TRPM8: variants seen among roughly 807,000 people sequenced by gnomAD.
TRPM8 encodes TRPM8 cationic channel.
A neutral mutation model predicts 133.7 loss-of-function variants in TRPM8; 110 were observed. The observed-to-expected ratio is 0.82, with a 90% CI of 0.70 to 0.96. TRPM8 has a LOEUF of 0.96. TRPM8 is among the 40% of genes least tolerant of loss of function. The pLI, the probability that TRPM8 is intolerant of heterozygous loss-of-function variation, is 0.00. For missense variants in TRPM8, 1,291 were observed against 1,379.5 expected (o/e 0.94, Z 1.02); for synonymous variants, 535 against 532.3 (o/e 1.01, Z -0.07).
Position 233,927,767 on chromosome 2 carries a change from T to TTCC in TRPM8, c.117+1114_117+1115insCCT, listed in dbSNP as rs1491553147. ...CTTTCTTTCTTTCTTTCTTTCTTTC[T>TTCC]TTCTTTCTTTCTTTCTTTCTTTCTT... On this transcript the variant is annotated intron_variant, in intron 2 of 25. Transcript: ENST00000324695. Among the ~76,000 whole-genome samples the TTCC allele has an allele frequency of 4.7e-4, 32 of 67,436 alleles. 3 individuals are homozygous for TTCC. The highest frequency in any genetic ancestry group is 5.3e-3 in the Middle Eastern group (1 of 188). 44.2% of individuals were successfully genotyped at this position (67,436 alleles called of 152,430 possible).
intron 22 of TRPM8, among the ~76,000 whole-genome samples, chr2:233,997,465 G>A (rs1692438782): frequency 6.6e-6 from 1 of 152,160 alleles, no homozygotes; most frequent in African/African-American, 2.4e-5. Flanking sequence ...CTCCACAGCT[G>A]GAGCACAGAG....
At position 233,950,013 on chromosome 2, in the gene TRPM8, CTGA is replaced by C; in HGVS notation, c.1010_1012del (p.Asp337del). 6.2e-7 allele frequency: 1 copy of C among 1,614,190 alleles called. No homozygotes were observed. The highest frequency in any genetic ancestry group is 1.1e-5 in the South Asian group (1 of 91,078). On this transcript the variant is annotated inframe_deletion, in exon 9 of 26. Coordinates refer to ENST00000324695, the MANE Select transcript of TRPM8 (RefSeq NM_024080.5). ...GTGGTGGAAGGCTCGGGCCAGATCG[CTGA>C]TGTGATCGCTAGCCTGGTGGAGGTG...
intron 16 of TRPM8, 23 bp downstream of exon 16, chr2:233,969,830 G>A (rs200060794): frequency 2.6e-4 from 348 of 1,353,928 alleles, no homozygotes; most frequent in Admixed American, 3.7e-4. Context: ...GCACATAATC[G>A]TGTGTGAGTG....
intron 6 of TRPM8, among the ~76,000 whole-genome samples, chr2:233,944,508 T>C (rs567630198): frequency 1.3e-5 from 2 of 152,234 alleles, no homozygotes; most frequent in African/African-American, 4.8e-5. Flanking sequence ...TGGCAACAAG[T>C]AAAACTTGAA....
intron 22 of TRPM8, among the ~76,000 whole-genome samples, chr2:234,001,408 C>A (rs190339279): frequency 2.7e-4 from 41 of 152,080 alleles, no homozygotes; most frequent in Admixed American, 2.7e-3. Context: ...CCCCAGAAAC[C>A]AATGAAAAAA....
intron 24 of TRPM8, chr2:234,013,642 G>C (rs1470759448): frequency 6.6e-6 from 1 of 151,900 alleles, no homozygotes; most frequent in East Asian, 1.9e-4. Flanking sequence ...TGCTCTTGGA[G>C]TTTTTGCTCT....
chr2:233,935,759 A>T (rs913820862), intron 3 of TRPM8, among the ~76,000 whole-genome samples: 1 of 151,970 alleles, frequency 6.6e-6, no homozygotes, highest in Non-Finnish European at 1.5e-5. Flanking sequence ...GCAGGGAGGG[A>T]TGCAGAACCA....
chr2:233,952,217 C>G (rs560141125), intron 9 of TRPM8, among the ~76,000 whole-genome samples: 1 of 152,288 alleles, frequency 6.6e-6, no homozygotes, highest in East Asian at 1.9e-4. Flanking sequence ...GAATTGCGTA[C>G]ACGACAGAAA....
Position 233,981,977 on chromosome 2 carries a change from G to A in TRPM8, c.2589+62G>A, listed in dbSNP as rs924267824. The A allele has an allele frequency of 1.1e-5, 16 of 1,494,666 alleles. No individual in the cohort carries two copies. The Admixed American group carries it at 3.0e-4, about 28-fold the overall frequency. The allele number at this position is 1,494,666 out of a possible 1,614,324, so 92.6% of individuals were successfully genotyped here. The stretch of plus-strand genomic sequence containing the variant: ...TGCGGGGCCCAGAGTTCTTTTAATG[G>A]TCGATAGGAGGATTTTGTCCTTAGA... On this transcript the variant is annotated intron_variant, in intron 19 of 25. Coordinates refer to ENST00000324695, the MANE Select transcript of TRPM8 (RefSeq NM_024080.5).
At chr2:233,942,504 G>T in intron 5 of TRPM8, 72 bp from the exon 6 acceptor site, 1 of 1,493,030 alleles carries the variant, frequency 6.7e-7, no homozygotes, top group Admixed American at 1.7e-5. Context: ...CTTTATTTTA[G>T]GGGTCTGTGA....
Position 233,950,112 on chromosome 2 carries a change from T to C in TRPM8, c.1106T>C (p.Leu369Pro), listed in dbSNP as rs1691139996. ...VRFLPRTVSR[L>P]PEEETESWIK... ...TTTTTACCCCGCACGGTGTCCCGGCTGCCTGAGGAGGAGACTGAGAGTTGG... is the reference window on the plus strand; with the variant it reads ...TTTTTACCCCGCACGGTGTCCCGGCCGCCTGAGGAGGAGACTGAGAGTTGG... Residue 369 changes from leucine to proline, a missense_variant, in exon 9 of 26, where the codon CTG (leucine) becomes CCG (proline). Transcript: ENST00000324695. 1 of 1,613,268 alleles carries C rather than the reference T, an allele frequency of 6.2e-7. No individual in the cohort carries two copies. Among genetic ancestry groups the C allele is most frequent in the African/African-American group, 1.3e-5 (1 of 74,924 alleles).
chr2:233,974,309 C>G (rs893565076), intron 17 of TRPM8, among the ~76,000 whole-genome samples: 1 of 152,160 alleles, frequency 6.6e-6, no homozygotes, highest in African/African-American at 2.4e-5. Context: ...TCTTGGCTCA[C>G]TGCAACCTCC....
At chr2:234,002,852 G>T (rs1263128712) in intron 22 of TRPM8, among the ~76,000 whole-genome samples, 1 of 152,072 alleles carries the variant, frequency 6.6e-6, no homozygotes, top group African/African-American at 2.4e-5. Flanking sequence ...AGTGGCTGCT[G>T]GACAGCTGTT....
chr2:233,954,379 A>G (rs1208515341), intron 10 of TRPM8, among the ~76,000 whole-genome samples: 2 of 152,242 alleles, frequency 1.3e-5, no homozygotes, highest in African/African-American at 4.8e-5. Context: ...ACATATTTGT[A>G]CACATATGCA....
At chr2:233,918,641 T>G (rs902121170) in intron 1 of TRPM8, among the ~76,000 whole-genome samples, 1 of 152,158 alleles carries the variant, frequency 6.6e-6, no homozygotes, top group Non-Finnish European at 1.5e-5. Context: ...TTTCCTAGTT[T>G]TCATCCATCT....
intron 12 of TRPM8, 63 bp downstream of exon 12, chr2:233,961,129 A>G: frequency 6.6e-7 from 1 of 1,517,052 alleles, no homozygotes; most frequent in South Asian, 1.2e-5. Context: ...CTCATAAGAT[A>G]TCTCCATTTT....
In TRPM8 at chr2:233,944,310, A is replaced by G. The variant is rs141476203; in HGVS notation, c.700-1546A>G. On this transcript the variant is annotated intron_variant, in intron 6 of 25. Coordinates refer to ENST00000324695, the MANE Select transcript of TRPM8 (RefSeq NM_024080.5). ...TAAATGGGAAAGAATACCATTATCT[A>G]TTAGCAATATTTGTAATGGGCATAG... is the stretch of plus-strand genomic sequence containing the variant. 2.0e-5 allele frequency among the ~76,000 whole-genome samples: 3 copies of G among 152,328 alleles called. No homozygotes were observed. The East Asian group carries it at 5.8e-4, about 29-fold the overall frequency.
At chr2:234,008,693 G>T (rs961110064) in intron 24 of TRPM8, among the ~76,000 whole-genome samples, 2 of 152,138 alleles carry the variant, frequency 1.3e-5, no homozygotes, top group African/African-American at 4.8e-5. Context: ...TGGCATCCCG[G>T]ATGATGACAT....
chr2:233,933,922 CTGAG>C (rs1039635490), intron 3 of TRPM8: 15 of 167,244 alleles, frequency 9.0e-5, no homozygotes, highest in African/African-American at 3.4e-4. Flanking sequence ...CTTGGCCACA[CTGAG>C]TGATGCCCTG....
Sources: gnomAD v4.1 joint callset for allele counts (sites outside exome capture counted in the v4.1 genomes callset) on GRCh38, gnomAD v4.1.1 for gene constraint, MANE v1.5 for transcripts, NCBI Gene and HGNC (gene_info 2026-07-23, HGNC 2026-07-21) for gene names.